Variants in CACNA2D3 observed in about 807,000 individuals in gnomAD.
The protein encoded by CACNA2D3 is calcium voltage-gated channel auxiliary subunit alpha2delta 3.
Under a neutral mutation model 160.6 loss-of-function variants are expected in CACNA2D3, and 60 were observed. The observed-to-expected ratio is 0.37, with a 90% CI of 0.30 to 0.46. CACNA2D3 has a LOEUF of 0.46. Ranked by LOEUF, CACNA2D3 falls within the 20% of genes least tolerant of loss-of-function variation. The pLI, the probability that CACNA2D3 is intolerant of heterozygous loss-of-function variation, is 1.00. For missense variants in CACNA2D3, 1,205 were observed against 1,365.0 expected (o/e 0.88, Z 1.85); for synonymous variants, 558 against 492.9 (o/e 1.13, Z -1.75).
chr3:54,932,228 C>T (rs1202104532), intron 27 of CACNA2D3, among the ~76,000 whole-genome samples: 1 of 152,016 alleles, frequency 6.6e-6, no homozygotes, highest in East Asian at 1.9e-4. Context: ...TAAATATACC[C>T]ATCTGGGAGA....
chr3:55,040,631 T>G (rs4955923), intron 35 of CACNA2D3, among the ~76,000 whole-genome samples: 59,810 of 151,906 alleles, frequency 0.39, 11,993 homozygotes, highest in African/African-American at 0.44. Flanking sequence ...GCTGCAATGA[T>G]CTATGATCAT....
At chr3:54,379,413 G>A (rs982713246) in intron 3 of CACNA2D3, among the ~76,000 whole-genome samples, 5 of 152,166 alleles carry the variant, frequency 3.3e-5, no homozygotes, top group Non-Finnish European at 2.9e-5. Flanking sequence ...TATTGGAATC[G>A]AAAAGTAAAA....
At chr3:54,321,048 G>C (rs1237075189) in intron 3 of CACNA2D3, among the ~76,000 whole-genome samples, 1 of 152,162 alleles carries the variant, frequency 6.6e-6, no homozygotes, top group Non-Finnish European at 1.5e-5. Context: ...GGCCGGGCGC[G>C]GTGGCTCATG....
chr3:54,477,988 A>G (rs527541324), intron 4 of CACNA2D3, among the ~76,000 whole-genome samples: 2 of 152,302 alleles, frequency 1.3e-5, no homozygotes, highest in East Asian at 1.9e-4. Flanking sequence ...TTAATTCACT[A>G]TTAATATGTC....
intron 9 of CACNA2D3, among the ~76,000 whole-genome samples, chr3:54,584,910 T>C (rs1702734216): frequency 6.6e-6 from 1 of 152,192 alleles, no homozygotes; most frequent in African/African-American, 2.4e-5. Flanking sequence ...CCCAGGATTC[T>C]ATATCCAGTG....
chr3:54,511,206 C>T (rs1419242157), intron 5 of CACNA2D3, among the ~76,000 whole-genome samples: 2 of 152,212 alleles, frequency 1.3e-5, no homozygotes, highest in Non-Finnish European at 2.9e-5. Flanking sequence ...CCCTAGCCCT[C>T]CTCTCCAGAA....
intron 17 of CACNA2D3, among the ~76,000 whole-genome samples, chr3:54,855,428 C>G (rs1227335355): frequency 6.6e-6 from 1 of 152,206 alleles, no homozygotes; most frequent in Admixed American, 6.5e-5. Context: ...AGCCTCTTTA[C>G]TAAATCCTCC....
At chr3:54,988,828 G>T (rs991505168) in intron 31 of CACNA2D3, among the ~76,000 whole-genome samples, 1 of 152,178 alleles carries the variant, frequency 6.6e-6, no homozygotes, top group Admixed American at 6.5e-5. Context: ...AAAAAGAAAT[G>T]ATATAAGAAC....
At chr3:54,257,865 T>C (rs1467620405) in intron 2 of CACNA2D3, among the ~76,000 whole-genome samples, 1 of 152,120 alleles carries the variant, frequency 6.6e-6, no homozygotes, top group African/African-American at 2.4e-5. Context: ...GAAATCCAGG[T>C]AGGAAGTCAA....
chr3:54,766,584 C>T (rs2107103708), intron 13 of CACNA2D3, among the ~76,000 whole-genome samples: 1 of 151,774 alleles, frequency 6.6e-6, no homozygotes, highest in Admixed American at 6.5e-5. Context: ...AGCAATCTTA[C>T]TTCTAAGAAT....
chr3:54,131,806 C>T (rs1294773464), intron 2 of CACNA2D3, among the ~76,000 whole-genome samples: 1 of 151,962 alleles, frequency 6.6e-6, no homozygotes, highest in Non-Finnish European at 1.5e-5. Context: ...GTCCTTTGCA[C>T]AGCAGAAGTG....
At chr3:54,407,700 G>A (rs897712844) in intron 4 of CACNA2D3, among the ~76,000 whole-genome samples, 22 of 152,114 alleles carry the variant, frequency 1.4e-4, no homozygotes, top group Admixed American at 5.2e-4. Flanking sequence ...CAGTTATTTG[G>A]TGGTCACATG....
intron 2 of CACNA2D3, among the ~76,000 whole-genome samples, chr3:54,189,836 A>G (rs1468219957): frequency 6.6e-6 from 1 of 152,188 alleles, no homozygotes; most frequent in East Asian, 1.9e-4. Flanking sequence ...TTGTTTACAA[A>G]AGGAGTTGTT....
chr3:54,756,730 G>A (rs1195140565), intron 12 of CACNA2D3, among the ~76,000 whole-genome samples: 1 of 152,148 alleles, frequency 6.6e-6, no homozygotes, highest in African/African-American at 2.4e-5. Flanking sequence ...TGCTATCAGT[G>A]CAGGACTTCT....
intron 27 of CACNA2D3, among the ~76,000 whole-genome samples, chr3:54,930,257 A>G (rs1033734403): frequency 2.0e-5 from 3 of 151,992 alleles, no homozygotes; most frequent in African/African-American, 7.2e-5. Flanking sequence ...CTCAACTCCC[A>G]CCACCCAGGC....
chr3:54,460,302 T>A (rs1021525808), intron 4 of CACNA2D3, among the ~76,000 whole-genome samples: 1 of 152,238 alleles, frequency 6.6e-6, no homozygotes, highest in African/African-American at 2.4e-5. Flanking sequence ...TTTTTTCCAA[T>A]TCTGTGAAGA....
intron 3 of CACNA2D3, among the ~76,000 whole-genome samples, chr3:54,360,010 T>C (rs1418670932): frequency 6.6e-6 from 1 of 152,154 alleles, no homozygotes; most frequent in Non-Finnish European, 1.5e-5. Context: ...TGACAACAAA[T>C]CATGAGGATG....
intron 2 of CACNA2D3, among the ~76,000 whole-genome samples, chr3:54,184,712 C>A (rs1216812631): frequency 2.6e-5 from 4 of 152,168 alleles, no homozygotes; most frequent in Non-Finnish European, 5.9e-5. Context: ...TTCTTCAGTT[C>A]TTATCTCTTC....
intron 35 of CACNA2D3, among the ~76,000 whole-genome samples, chr3:55,033,562 A>G (rs1703722687): frequency 8.5e-6 from 1 of 117,074 alleles, no homozygotes; most frequent in Admixed American, 1.1e-4. Flanking sequence ...GTCTGAAACT[A>G]TCGTGTCATT....
Sources: allele counts gnomAD v4.1 joint callset (sites outside exome capture counted in the v4.1 genomes callset), GRCh38; gene constraint gnomAD v4.1.1; transcripts MANE v1.5; gene names NCBI Gene and HGNC (gene_info 2026-07-23, HGNC 2026-07-21).